The following PDGFD variants were observed in gnomAD, a reference collection of about 807,000 sequenced individuals.
PDGFD encodes the protein platelet-derived growth factor D.
PDGFD carries 30 observed loss-of-function variants against 44.7 expected under a neutral mutation model. The observed-to-expected ratio is 0.67, with a 90% confidence interval of 0.50 to 0.91. PDGFD has a LOEUF of 0.91. Ranked by LOEUF, PDGFD falls within the 40% of genes least tolerant of loss-of-function variation. PDGFD has a pLI of 0.00. For synonymous variants in PDGFD, 173 were observed against 168.4 expected (o/e 1.03, Z -0.21); for missense variants, 445 against 457.8 (o/e 0.97, Z 0.25).
intron 1 of PDGFD, among the ~76,000 whole-genome samples, chr11:104,121,035 TGAG>T (rs1861771952): frequency 6.6e-6 from 1 of 152,056 alleles, no homozygotes; most frequent in African/African-American, 2.4e-5. Flanking sequence ...GCAGTGTTTC[TGAG>T]AAGTAAATGA....
chr11:104,043,248 C>T (rs1459093672), intron 1 of PDGFD, among the ~76,000 whole-genome samples: 1 of 152,176 alleles, frequency 6.6e-6, no homozygotes, highest in African/African-American at 2.4e-5. Flanking sequence ...TATTGACCAC[C>T]TGCTGCATGT....
In PDGFD at chr11:103,947,722, T is replaced by C. The variant is rs1400020019; in HGVS notation, c.513A>G (p.Glu171=). ...CTGAAGCTGCTGCGGGTTGGAAATC[T>C]TCCTGGAAGGCAAAGAAACATCTGT... The part of the protein sequence containing the change: ...PGFKIYYSLL[E]DFQPAAASET... The change falls in exon 4 of 7, where the codon GAA becomes GAG. Residue 171 remains glutamate (E), a splice_region_variant and synonymous_variant. Transcript: ENST00000393158. 3.7e-6 allele frequency: 6 copies of C among 1,613,030 alleles called. No homozygotes were observed. The Admixed American group carries it at 8.3e-5, about 22-fold the overall frequency.
intron 5 of PDGFD, among the ~76,000 whole-genome samples, chr11:103,931,037 C>T (rs551214963): frequency 3.9e-5 from 6 of 152,212 alleles, no homozygotes; most frequent in African/African-American, 1.4e-4. Flanking sequence ...ATGATTTGTC[C>T]TCAGTGGGAA....
intron 1 of PDGFD, among the ~76,000 whole-genome samples, chr11:104,102,578 A>G (rs1861404886): frequency 6.6e-6 from 1 of 152,166 alleles, no homozygotes; most frequent in African/African-American, 2.4e-5. Context: ...CCATTACTGG[A>G]TATATACTCA....
intron 1 of PDGFD, among the ~76,000 whole-genome samples, chr11:104,092,148 T>C (rs1172143887): frequency 1.3e-5 from 2 of 152,140 alleles, no homozygotes; most frequent in Non-Finnish European, 2.9e-5. Flanking sequence ...AGCTAGTGTA[T>C]ATCAGTGCCA....
Position 103,909,484 on chromosome 11 carries a change from C to T in PDGFD, c.*210G>A. ...TAACCTCAAACACTATTATTAAATG[C>T]AATCCTATATTCTTAGGTATAGAAG... On this transcript the variant is annotated 3_prime_UTR_variant, in exon 7 of 7. Coordinates refer to ENST00000393158, the MANE Select transcript of PDGFD (RefSeq NM_025208.5). 1 of 550,186 alleles carries T rather than the reference C, an allele frequency of 1.8e-6. No homozygotes were observed. The allele number at this position is 550,186 out of a possible 1,614,324, so 34.1% of individuals were successfully genotyped here.
chr11:104,118,534 C>A (rs1377451306), intron 1 of PDGFD, among the ~76,000 whole-genome samples: 1 of 151,016 alleles, frequency 6.6e-6, no homozygotes, highest in East Asian at 1.9e-4. Context: ...ATTTTCTTGT[C>A]CAATGGCATT....
rs186460711 is a variant in PDGFD, at chr11:104,074,462, C to T, written c.125-74207G>A. ...AAATGTTGTGCTATTTCCAACAGAG[C>T]TTTTTAAAATTGGAACTAGAAAATG... On this transcript the variant is annotated intron_variant, in intron 1 of 6. Transcript: ENST00000393158. 1.4e-4 allele frequency among the ~76,000 whole-genome samples: 21 copies of T among 152,188 alleles called. 1 individual carries two copies. The highest frequency in any genetic ancestry group is 9.2e-4 in the Admixed American group (14 of 15,282).
intron 1 of PDGFD, chr11:104,038,274 A>G: frequency 4.7e-6 from 2 of 428,038 alleles, no homozygotes; most frequent in East Asian, 7.7e-5. Context: ...ATAATCCATG[A>G]AAAAGAAAAC....
intron 6 of PDGFD, among the ~76,000 whole-genome samples, chr11:103,924,742 A>G (rs943273854): frequency 2.0e-5 from 3 of 152,282 alleles, no homozygotes; most frequent in African/African-American, 7.2e-5. Flanking sequence ...AAAAGCCTCC[A>G]AAAAACAGTT....
At chr11:103,957,614 T>G (rs993264144) in intron 3 of PDGFD, among the ~76,000 whole-genome samples, 5 of 151,968 alleles carry the variant, frequency 3.3e-5, no homozygotes, top group African/African-American at 7.3e-5. Context: ...CAAGCAATGG[T>G]GAAAGGATTC....
At chr11:104,134,185 G>C (rs1416712263) in intron 1 of PDGFD, among the ~76,000 whole-genome samples, 1 of 116,420 alleles carries the variant, frequency 8.6e-6, no homozygotes, top group Non-Finnish European at 1.8e-5. Flanking sequence ...CACAAACACA[G>C]ATATAAATGT....
rs377619423 is a variant in PDGFD at position 103,908,860 on chromosome 11, G to A, written c.*834C>T. 2.0e-5 allele frequency: 3 copies of A among 152,094 alleles called. No homozygotes were observed. Among genetic ancestry groups the A allele is most frequent in the Non-Finnish European group, 4.4e-5 (3 of 68,028 alleles). 9.4% of individuals were successfully genotyped at this position (152,094 alleles called of 1,614,324 possible). On this transcript the variant is annotated 3_prime_UTR_variant, in exon 7 of 7. Transcript: ENST00000393158. The stretch of plus-strand genomic sequence containing the variant: ...CTTGAAAGGATTTGCTTTTGTGGAG[G>A]GGTTTTGCAAAGAAAAACAATTCAA...
intron 1 of PDGFD, among the ~76,000 whole-genome samples, chr11:104,059,562 T>A (rs1860678367): frequency 1.3e-5 from 2 of 152,368 alleles, no homozygotes; most frequent in South Asian, 4.1e-4. Flanking sequence ...AATCCAACTC[T>A]AATTAATTTA....
At chr11:104,085,572 T>C (rs568771056) in intron 1 of PDGFD, among the ~76,000 whole-genome samples, 1 of 152,132 alleles carries the variant, frequency 6.6e-6, no homozygotes, top group Non-Finnish European at 1.5e-5. Flanking sequence ...AACAAAGGCA[T>C]GTATTTACTT....
intron 1 of PDGFD, among the ~76,000 whole-genome samples, chr11:104,155,657 T>C (rs577134128): frequency 1.3e-5 from 2 of 152,340 alleles, no homozygotes; most frequent in South Asian, 4.1e-4. Context: ...TATGAACTCA[T>C]TTACACATTC....
chr11:104,033,049 GGTGTGT>G (rs34144830), intron 1 of PDGFD, among the ~76,000 whole-genome samples: 13 of 146,334 alleles, frequency 8.9e-5, no homozygotes, highest in African/African-American at 2.3e-4. Flanking sequence ...TATGTTTAGG[GGTGTGT>G]GTGTGTGTGT....
chr11:104,037,788 G>C (rs1322549560), intron 1 of PDGFD: 3 of 1,614,122 alleles, frequency 1.9e-6, no homozygotes, highest in Admixed American at 3.3e-5. Context: ...CCATACTTGA[G>C]GATCAACCCA....
intron 1 of PDGFD, among the ~76,000 whole-genome samples, chr11:104,104,245 G>A (rs577487293): frequency 6.6e-6 from 1 of 152,206 alleles, no homozygotes; most frequent in South Asian, 2.1e-4. Flanking sequence ...GGGTCAAAAA[G>A]TTTAAAAGAT....
Sources: allele counts gnomAD v4.1 joint callset (sites outside exome capture counted in the v4.1 genomes callset), GRCh38; gene constraint gnomAD v4.1.1; transcripts MANE v1.5; gene names NCBI Gene and HGNC (gene_info 2026-07-23, HGNC 2026-07-21).